Variants in PRKN observed in about 807,000 individuals in gnomAD.
The protein encoded by PRKN is E3 ubiquitin-protein ligase parkin.
In PRKN, 56 loss-of-function variants were observed where a neutral mutation model predicts 59.5. That is an observed-to-expected ratio of 0.94 (90% CI 0.76 to 1.18). PRKN has a LOEUF of 1.18. Among genes scored for constraint, PRKN ranks in the 50% most tolerant of loss-of-function variants. The pLI is 0.00. For missense variants in PRKN, 657 were observed against 596.4 expected, an observed-to-expected ratio of 1.10 and a Z score of -1.06; for synonymous variants, 250 against 222.1, an observed-to-expected ratio of 1.13 and a Z score of -1.12.
chr6:161,824,239 T>A (rs771205906), intron 6 of PRKN, among the ~76,000 whole-genome samples: 4 of 152,042 alleles, frequency 2.6e-5, no homozygotes, highest in South Asian at 2.1e-4. Context: ...AGGTTTGAAG[T>A]TTAGGGAGCC....
At chr6:161,816,295 A>C (rs1284115917) in intron 6 of PRKN, among the ~76,000 whole-genome samples, 1 of 152,040 alleles carries the variant, frequency 6.6e-6, no homozygotes, top group Non-Finnish European at 1.5e-5. Flanking sequence ...AACCTCTAAA[A>C]AATGGTAACT....
intron 6 of PRKN, among the ~76,000 whole-genome samples, chr6:161,880,987 T>C (rs1262525293): frequency 6.6e-6 from 1 of 152,184 alleles, no homozygotes; most frequent in Non-Finnish European, 1.5e-5. Context: ...GTTTGCTTTT[T>C]TCAGTTTCTA....
At chr6:161,368,264 A>AATATTTGTAT (rs1462740109) in intron 10 of PRKN, among the ~76,000 whole-genome samples, 14 of 93,404 alleles carry the variant, frequency 1.5e-4, no homozygotes, top group African/African-American at 4.4e-4. Flanking sequence ...AAATACATAT[A>AATATTTGTAT]ATATTTATAT....
At chr6:161,594,732 A>AT (rs1299034784) in intron 7 of PRKN, among the ~76,000 whole-genome samples, 1 of 70,532 alleles carries the variant, frequency 1.4e-5, no homozygotes, top group African/African-American at 1.5e-4. Context: ...TGACTGAATA[A>AT]CTGAACAACT....
chr6:162,417,971 C>T (rs901698430), intron 2 of PRKN, among the ~76,000 whole-genome samples: 4 of 152,172 alleles, frequency 2.6e-5, no homozygotes, highest in Non-Finnish European at 5.9e-5. Context: ...AATAGCTAAA[C>T]ATTTTACCAC....
intron 5 of PRKN, among the ~76,000 whole-genome samples, chr6:161,984,966 T>A (rs1781383185): frequency 6.6e-6 from 1 of 152,096 alleles, no homozygotes; most frequent in South Asian, 2.1e-4. Flanking sequence ...GGAAACTGGA[T>A]CGGGATTACA....
chr6:161,662,041 A>G (rs975136723), intron 7 of PRKN, among the ~76,000 whole-genome samples: 2 of 152,144 alleles, frequency 1.3e-5, no homozygotes, highest in Admixed American at 1.3e-4. Flanking sequence ...AAACAAAAAA[A>G]CCATGTAGTA....
At chr6:161,729,625 C>T (rs1583064813) in intron 7 of PRKN, among the ~76,000 whole-genome samples, 1 of 152,196 alleles carries the variant, frequency 6.6e-6, no homozygotes, top group African/African-American at 2.4e-5. Context: ...ATGTCTGACT[C>T]AGATGTGATG....
intron 1 of PRKN, among the ~76,000 whole-genome samples, chr6:162,564,322 C>T (rs1278475750): frequency 1.3e-5 from 2 of 150,024 alleles, no homozygotes; most frequent in Non-Finnish European, 3.0e-5. Flanking sequence ...TCCAGCCTGG[C>T]AATAGAGCAA....
chr6:162,163,461 A>C (rs1782845717), intron 4 of PRKN, among the ~76,000 whole-genome samples: 1 of 149,428 alleles, frequency 6.7e-6, no homozygotes, highest in Non-Finnish European at 1.5e-5. Flanking sequence ...TGGAGGTAAA[A>C]AGAAGAAAAA....
chr6:161,507,595 C>T (rs76435528), intron 9 of PRKN, among the ~76,000 whole-genome samples: 12,259 of 152,152 alleles, frequency 0.081, 722 homozygotes, highest in African/African-American at 0.16. Flanking sequence ...CGGCCCAGCA[C>T]GCAGCTGTTC....
At chr6:162,577,634 T>A (rs539054801) in intron 1 of PRKN, among the ~76,000 whole-genome samples, 152 of 121,840 alleles carry the variant, frequency 1.2e-3, no homozygotes, top group South Asian at 1.6e-3. Flanking sequence ...AAATAAAATA[T>A]AATTGGCAAA....
intron 1 of PRKN, among the ~76,000 whole-genome samples, chr6:162,611,981 C>G (rs941548771): frequency 4.0e-5 from 6 of 151,012 alleles, no homozygotes; most frequent in South Asian, 2.1e-4. Flanking sequence ...GTCAGGAGAT[C>G]GAGACCATCC....
chr6:161,391,447 T>C lies in PRKN; in HGVS notation c.1084-4570A>G, dbSNP rs910870344. On this transcript the variant is annotated intron_variant, in intron 9 of 11. Transcript: ENST00000366898. The surrounding 1 kb of genome is among the most constrained non-coding windows in gnomAD (Gnocchi z 4.9). Reference sequence around the variant, plus strand: ...ATTTCCGTAGAGTTGTTTTTTTTTTTCGAGAAATTTTAAATGTCTTTAAAC... The same window carrying C: ...ATTTCCGTAGAGTTGTTTTTTTTTTCCGAGAAATTTTAAATGTCTTTAAAC... Among the ~76,000 whole-genome samples, 2 of 151,936 alleles carry C rather than the reference T, an allele frequency of 1.3e-5. No homozygotes were observed. Among genetic ancestry groups the C allele is most frequent in the Non-Finnish European group, 2.9e-5 (2 of 67,976 alleles).
At chr6:161,961,968 T>G (rs916438026) in intron 6 of PRKN, among the ~76,000 whole-genome samples, 1 of 152,118 alleles carries the variant, frequency 6.6e-6, no homozygotes, top group African/African-American at 2.4e-5. Flanking sequence ...CCACTTCCGG[T>G]GCACAGAAGA....
chr6:161,919,230 C>T (rs539205318), intron 6 of PRKN, among the ~76,000 whole-genome samples: 3 of 152,136 alleles, frequency 2.0e-5, no homozygotes, highest in Admixed American at 6.5e-5. Flanking sequence ...CTCAAAATTA[C>T]GCTGAGGGAA....
chr6:161,821,017 C>T (rs139689047), intron 6 of PRKN, among the ~76,000 whole-genome samples: 72 of 152,096 alleles, frequency 4.7e-4, no homozygotes, highest in African/African-American at 1.7e-3. Context: ...GATATACATA[C>T]ACATTTATGC....
intron 7 of PRKN, among the ~76,000 whole-genome samples, chr6:161,708,499 T>A (rs967009428): frequency 6.7e-6 from 1 of 150,176 alleles, no homozygotes; most frequent in Non-Finnish European, 1.5e-5. Context: ...TATAGAAAAT[T>A]GGAGGATTCT....
intron 6 of PRKN, among the ~76,000 whole-genome samples, chr6:161,796,791 A>G (rs1003730458): frequency 6.6e-6 from 1 of 152,200 alleles, no homozygotes; most frequent in Non-Finnish European, 1.5e-5. Context: ...TATCATTTGC[A>G]CAGAGCTGTT....
Sources: gnomAD v4.1 joint callset for allele counts (sites outside exome capture counted in the v4.1 genomes callset) on GRCh38, gnomAD v4.1.1 for gene constraint, Gnocchi (gnomAD v3.1) non-coding constraint, MANE v1.5 for transcripts, NCBI Gene and HGNC (gene_info 2026-07-23, HGNC 2026-07-21) for gene names.